The following ELOVL5 variants were observed in gnomAD, a reference collection of about 807,000 sequenced individuals.
The protein encoded by ELOVL5 is ELOVL fatty acid elongase 5.
ELOVL5 carries 8 observed loss-of-function variants against 38.6 expected under a neutral mutation model. The observed-to-expected ratio is 0.21, with a 90% CI of 0.12 to 0.37. ELOVL5 has a LOEUF of 0.37. Ranked by LOEUF, ELOVL5 falls within the 10% of genes least tolerant of loss-of-function variation. The pLI is 1.00. For missense variants in ELOVL5, 280 were observed against 367.8 expected (o/e 0.76, Z 1.95); for synonymous variants, 127 against 133.7 (o/e 0.95, Z 0.34).
chr6:53,298,910 G>T (rs1015110717), intron 1 of ELOVL5, among the ~76,000 whole-genome samples: 4 of 146,844 alleles, frequency 2.7e-5, no homozygotes, highest in Admixed American at 1.4e-4. Flanking sequence ...CGGGGGGGGG[G>T]AGTTGATAAT....
chr6:53,272,832 A>G (rs191773768), intron 6 of ELOVL5, among the ~76,000 whole-genome samples: 1 of 152,334 alleles, frequency 6.6e-6, no homozygotes, highest in African/African-American at 2.4e-5. Flanking sequence ...CCTGGACTCC[A>G]TACTACTCTC....
intron 2 of ELOVL5, chr6:53,293,972 T>C: frequency 1.8e-6 from 1 of 566,032 alleles, no homozygotes; most frequent in Non-Finnish European, 2.5e-6. Flanking sequence ...TGTTCTCAGC[T>C]TTGGGCCTTG....
At position 53,348,485 on chromosome 6, in the gene ELOVL5, G is replaced by C. The variant is rs940370677; in HGVS notation, c.-9+332C>G. 4.6e-5 allele frequency among the ~76,000 whole-genome samples: 7 copies of C among 152,226 alleles called. No individual in the cohort carries two copies. In the East Asian group the frequency reaches 1.2e-3, roughly 25 times the overall value. On this transcript the variant is annotated intron_variant, in intron 1 of 7. Coordinates refer to ENST00000304434, the MANE Select transcript of ELOVL5 (RefSeq NM_021814.5). ...TCCCTCCGCGTCTGGTGTGGGCACG[G>C]TGTCGTGCCCCGCGGCGCCTGTCAG...
At position 53,276,125 on chromosome 6, in the gene ELOVL5, A is replaced by G. The variant is rs549995218; in HGVS notation, c.324+54T>C. The G allele has an allele frequency of 2.4e-6, 3 of 1,247,018 alleles. No individual in the cohort carries two copies. In the South Asian group the frequency reaches 3.9e-5, roughly 16 times the overall value. 77.2% of individuals were successfully genotyped at this position (1,247,018 alleles called of 1,614,324 possible). A position where few individuals can be genotyped will look rare whatever the true frequency, so the allele number is the denominator to read the frequency against. On this transcript the variant is annotated intron_variant, in intron 4 of 7. Coordinates refer to ENST00000304434, the MANE Select transcript of ELOVL5 (RefSeq NM_021814.5). ...GGCCATTTTGTATTTTATACAATTTATTTTTAAAAACTCAACACTTATAAT... is the reference window on the plus strand; with the variant it reads ...GGCCATTTTGTATTTTATACAATTTGTTTTTAAAAACTCAACACTTATAAT...
Position 53,324,252 on chromosome 6 carries a change from CAAAAAA to C in ELOVL5, c.-9+24559_-9+24564del, listed in dbSNP as rs59453946. On this transcript the variant is annotated intron_variant, in intron 1 of 7. Coordinates refer to ENST00000304434, the MANE Select transcript of ELOVL5 (RefSeq NM_021814.5). ...TGGGAGACAGAACGAGACTCTACCT[CAAAAAA>C]AAAAAAAAAAAAAAAAAGAAAAAAA... Among the ~76,000 whole-genome samples the C allele has an allele frequency of 1.6e-4, 18 of 110,364 alleles. No individual in the cohort carries two copies. In the Admixed American group the frequency reaches 1.8e-3, roughly 11 times the overall value. The allele number at this position is 110,364 out of a possible 152,430, so 72.4% of individuals were successfully genotyped here.
chr6:53,303,897 C>T (rs934805998), intron 1 of ELOVL5, among the ~76,000 whole-genome samples: 3 of 152,212 alleles, frequency 2.0e-5, no homozygotes, highest in African/African-American at 7.2e-5. Context: ...GGTCCTTCCT[C>T]CCTGTCCTCT....
At chr6:53,301,715 G>A (rs1386774428) in intron 1 of ELOVL5, among the ~76,000 whole-genome samples, 1 of 146,742 alleles carries the variant, frequency 6.8e-6, no homozygotes, top group African/African-American at 2.6e-5. Context: ...AATGGATTAC[G>A]GGCAGGTAAA....
intron 1 of ELOVL5, among the ~76,000 whole-genome samples, chr6:53,298,292 G>C (rs6909592): frequency 0.57 from 86,783 of 152,126 alleles, 27,460 homozygotes; most frequent in African/African-American, 0.87. Flanking sequence ...GATTGAATAA[G>C]TGATGGACAA....
At chr6:53,326,461 C>T (rs534073435) in intron 1 of ELOVL5, among the ~76,000 whole-genome samples, 29 of 152,256 alleles carry the variant, frequency 1.9e-4, no homozygotes, top group African/African-American at 6.7e-4. Flanking sequence ...TCCCCTCTTG[C>T]TCACTGCCCC....
At chr6:53,288,082 C>T (rs1766641120) in intron 3 of ELOVL5, 1 of 753,316 alleles carries the variant, frequency 1.3e-6, no homozygotes, top group African/African-American at 1.7e-5. Context: ...AACACTCTAA[C>T]AAAGGAGTTA....
intron 1 of ELOVL5, among the ~76,000 whole-genome samples, chr6:53,326,992 C>T (rs576398487): frequency 6.6e-6 from 1 of 152,168 alleles, no homozygotes; most frequent in East Asian, 1.9e-4. Context: ...TTATGGGTGA[C>T]GCTGACCTAC....
At chr6:53,297,681 T>C (rs1305142755) in intron 1 of ELOVL5, among the ~76,000 whole-genome samples, 1 of 152,158 alleles carries the variant, frequency 6.6e-6, no homozygotes, top group African/African-American at 2.4e-5. Flanking sequence ...ATTATAGGTA[T>C]GTATGCATAG....
intron 2 of ELOVL5, chr6:53,294,519 A>G: frequency 6.5e-7 from 1 of 1,539,422 alleles, no homozygotes; most frequent in Non-Finnish European, 8.8e-7. Context: ...GAAAATGACA[A>G]GAACAAGGAT....
intron 7 of ELOVL5, among the ~76,000 whole-genome samples, chr6:53,270,035 G>C (rs1440153784): frequency 6.6e-6 from 1 of 152,218 alleles, no homozygotes; most frequent in African/African-American, 2.4e-5. Context: ...CGCATGGCAG[G>C]AGAATCAGCA....
At chr6:53,348,753 C>T in intron 1 of ELOVL5, 64 bp downstream of exon 1, 2 of 449,748 alleles carry the variant, frequency 4.4e-6, no homozygotes, top group Middle Eastern at 1.3e-3. Context: ...CGGCCGCGCG[C>T]TCGCGCGGGT....
At chr6:53,348,752 G>A in intron 1 of ELOVL5, 65 bp downstream of exon 1, 2 of 449,404 alleles carry the variant, frequency 4.5e-6, no homozygotes, top group South Asian at 1.6e-5. Flanking sequence ...CCGGCCGCGC[G>A]CTCGCGCGGG....
chr6:53,319,038 C>T (rs1344613526), intron 1 of ELOVL5, among the ~76,000 whole-genome samples: 1 of 151,958 alleles, frequency 6.6e-6, no homozygotes, highest in Non-Finnish European at 1.5e-5. Context: ...AATCCCAGCA[C>T]TTTGGGAGGC....
chr6:53,319,548 C>T (rs1699949242), intron 1 of ELOVL5, among the ~76,000 whole-genome samples: 1 of 152,154 alleles, frequency 6.6e-6, no homozygotes. Flanking sequence ...ATGCTCTCCT[C>T]CCTAGGGTTA....
chr6:53,346,178 T>A (rs903252040), intron 1 of ELOVL5, among the ~76,000 whole-genome samples: 1 of 152,198 alleles, frequency 6.6e-6, no homozygotes, highest in Non-Finnish European at 1.5e-5. Context: ...TTTCTGTTCC[T>A]GTGTTAGTCT....
Sources: allele counts gnomAD v4.1 joint callset (sites outside exome capture counted in the v4.1 genomes callset), GRCh38; gene constraint gnomAD v4.1.1; transcripts MANE v1.5; gene names NCBI Gene and HGNC (gene_info 2026-07-23, HGNC 2026-07-21).